The following SH3BGR variants were observed in gnomAD, a reference collection of about 807,000 sequenced individuals.
SH3BGR encodes SH3 domain binding glutamate rich protein.
Under a neutral mutation model 24.5 loss-of-function variants are expected in SH3BGR, and 29 were observed. That is an observed-to-expected ratio of 1.18 (90% CI 0.88 to 1.61). The LOEUF is 1.61. Among genes scored for constraint, SH3BGR ranks in the 40% most tolerant of loss-of-function variants. The probability of loss-of-function intolerance (pLI) is 0.00; values close to 1 mark genes in which losing one functional copy is unlikely to be tolerated. For synonymous variants in SH3BGR, 55 were observed against 65.7 expected (o/e 0.84, Z 0.79); for missense variants, 162 against 205.8 (o/e 0.79, Z 1.30).
chr21:39,513,097 A>G (rs1408832075), intron 6 of SH3BGR, among the ~76,000 whole-genome samples: 1 of 152,190 alleles, frequency 6.6e-6, no homozygotes, highest in Non-Finnish European at 1.5e-5. Flanking sequence ...CTCAGGAGAT[A>G]ATGATGGAAT....
upstream of SH3BGR, among the ~76,000 whole-genome samples, chr21:39,447,360 A>G (rs1261204020): frequency 6.6e-6 from 1 of 150,384 alleles, no homozygotes; most frequent in Admixed American, 6.6e-5. Flanking sequence ...CCCAGTCTGT[A>G]GACATGATAA....
chr21:39,490,652 A>G (rs1195812315), intron 3 of SH3BGR, among the ~76,000 whole-genome samples: 1 of 151,442 alleles, frequency 6.6e-6, no homozygotes, highest in East Asian at 1.9e-4. Flanking sequence ...TGCCTGGGAT[A>G]GTTTTTCCAT....
At chr21:39,468,023 A>G (rs2123347491) in intron 2 of SH3BGR, among the ~76,000 whole-genome samples, 1 of 152,360 alleles carries the variant, frequency 6.6e-6, no homozygotes, top group Admixed American at 6.5e-5. Flanking sequence ...ACAAGTTGGC[A>G]TCTGTGCATT....
At chr21:39,500,271 C>T (rs1268245340) in intron 4 of SH3BGR, among the ~76,000 whole-genome samples, 1 of 151,968 alleles carries the variant, frequency 6.6e-6, no homozygotes, top group Non-Finnish European at 1.5e-5. Context: ...CTTACACCCA[C>T]CCAGGAGCCC....
intron 6 of SH3BGR, among the ~76,000 whole-genome samples, chr21:39,512,208 C>CT (rs1324769043): frequency 6.6e-6 from 1 of 152,174 alleles, no homozygotes; most frequent in Non-Finnish European, 1.5e-5. Flanking sequence ...ACATGTACAA[C>CT]TTTAGGGGGG....
At position 39,464,229 on chromosome 21, in the gene SH3BGR, T is replaced by G. The variant is rs145083808; in HGVS notation, c.231+1669T>G. ...ATCCTATTTCCAAATAAGGTAACCC[T>G]CTTTTTTTTTGAGATGGAGTTTCTC... is the stretch of plus-strand genomic sequence containing the variant. On this transcript the variant is annotated intron_variant, in intron 2 of 6. Transcript: ENST00000333634. 2.0e-3 allele frequency among the ~76,000 whole-genome samples: 309 copies of G among 152,194 alleles called. 2 individuals are homozygous for G. Among genetic ancestry groups the G allele is most frequent in the African/African-American group, 7.0e-3 (289 of 41,538 alleles).
intron 1 of SH3BGR, chr21:39,446,216 G>A (rs957169586): frequency 1.3e-5 from 2 of 149,168 alleles, no homozygotes; most frequent in African/African-American, 4.9e-5. Context: ...AACAATGCAT[G>A]TTTGGCATAG....
At chr21:39,446,916 TA>T (rs2148428777) in intron 1 of SH3BGR, 1 of 152,336 alleles carries the variant, frequency 6.6e-6, no homozygotes, top group African/African-American at 2.4e-5. Flanking sequence ...GGTTTTTATA[TA>T]AAAGGAGAAA....
rs1381930954 is a variant in SH3BGR at position 39,510,938 on chromosome 21, TATATATATAC to T, written c.436-741_436-732del. Reference sequence around the variant, plus strand: ...ATATATATATATATATATATATATATATATATATACTTTCTGAATTTGTAAAGGTTATTTG... The same window carrying T: ...ATATATATATATATATATATATATATTTTCTGAATTTGTAAAGGTTATTTG... On this transcript the variant is annotated intron_variant, in intron 5 of 6. Coordinates refer to ENST00000333634, the MANE Select transcript of SH3BGR (RefSeq NM_007341.3). Among the ~76,000 whole-genome samples the T allele has an allele frequency of 1.1e-3, 154 of 143,816 alleles. 3 individuals carry two copies. In the East Asian group the frequency reaches 0.015, roughly 14 times the overall value. 94.3% of individuals were successfully genotyped at this position (143,816 alleles called of 152,430 possible).
intron 5 of SH3BGR, 98 bp downstream of exon 5, chr21:39,509,125 A>T: frequency 1.1e-6 from 1 of 943,776 alleles, no homozygotes; most frequent in East Asian, 2.5e-5. Context: ...TTAATAACAT[A>T]AGAGAGCGAT....
intron 3 of SH3BGR, among the ~76,000 whole-genome samples, chr21:39,475,474 A>G (rs528622132): frequency 1.3e-5 from 2 of 152,350 alleles, no homozygotes; most frequent in Admixed American, 1.3e-4. Context: ...AGGAAATATC[A>G]TTACTTTGAA....
intron 3 of SH3BGR, among the ~76,000 whole-genome samples, chr21:39,481,219 C>G (rs2123420508): frequency 6.6e-6 from 1 of 152,262 alleles, no homozygotes; most frequent in African/African-American, 2.4e-5. Flanking sequence ...AATCCTAGCA[C>G]TTAGGAAGGT....
In SH3BGR at chr21:39,475,186, C is replaced by G; in HGVS notation, c.283C>G (p.Leu95Val). 1.2e-6 allele frequency: 2 copies of G among 1,611,746 alleles called. No homozygotes were observed. Among genetic ancestry groups the G allele is most frequent in the Non-Finnish European group, 8.5e-7 (1 of 1,178,166 alleles). ...AGAAGAGAATATTATTTATTCCTTC[C>G]TTGGTTTGGCTCCTCCTCCAGACTC... Reference protein sequence around the residue: ...AKEENIIYSFLGLAPPPDSKG... With the variant: ...AKEENIIYSFVGLAPPPDSKG... Residue 95 changes from leucine to valine, a missense_variant, in exon 3 of 7, where the codon CTT becomes GTT. Physicochemically the swap from Leu to Val is conservative, Grantham distance 32. Coordinates refer to ENST00000333634, the MANE Select transcript of SH3BGR (RefSeq NM_007341.3).
At chr21:39,462,254 GT>G in intron 1 of SH3BGR, 120 bp from the exon 2 acceptor site, 1 of 677,580 alleles carries the variant, frequency 1.5e-6, no homozygotes, top group Non-Finnish European at 2.5e-6. Flanking sequence ...TATTTTCCTT[GT>G]TTGAATACTT....
upstream of SH3BGR, among the ~76,000 whole-genome samples, chr21:39,450,008 G>A (rs1267498750): frequency 3.9e-5 from 6 of 152,120 alleles, no homozygotes; most frequent in South Asian, 2.1e-4. Context: ...CAAGAGATGC[G>A]TATTCTCTAG....
rs1401452763 is a variant in SH3BGR at position 39,512,000 on chromosome 21, C to T, written c.*34+191C>T. On this transcript the variant is annotated intron_variant, in intron 6 of 6. Transcript: ENST00000333634. This position sits in a 1 kb window ranked among gnomAD's most constrained non-coding sequence, Gnocchi z 4.2. ...TAGAGCTGCGGGGCTGCTGACCTTT[C>T]GTGGGTCTGTTTCTTGCACACTAGG... Among the ~76,000 whole-genome samples the T allele has an allele frequency of 1.3e-5, 2 of 152,212 alleles. No homozygotes were observed. The highest frequency in any genetic ancestry group is 6.5e-5 in the Admixed American group (1 of 15,296).
At chr21:39,502,596 C>G (rs75307789) in intron 4 of SH3BGR, among the ~76,000 whole-genome samples, 6,268 of 152,288 alleles carry the variant, frequency 0.041, 218 homozygotes, top group Non-Finnish European at 0.056. Context: ...TCTATCTGCT[C>G]CATGTGCCCA....
intron 1 of SH3BGR, among the ~76,000 whole-genome samples, chr21:39,460,228 G>A (rs2077732990): frequency 6.6e-6 from 1 of 152,088 alleles, no homozygotes; most frequent in African/African-American, 2.4e-5. Flanking sequence ...TTTGTTGTGT[G>A]GCTTTTTTAT....
At chr21:39,491,752 T>G (rs2078302493) in intron 3 of SH3BGR, 1 of 221,536 alleles carries the variant, frequency 4.5e-6, no homozygotes, top group Non-Finnish European at 9.4e-6. Context: ...TGTCCCTGAC[T>G]GCTGTGGCCT....
Sources: gnomAD v4.1 joint callset for allele counts (sites outside exome capture counted in the v4.1 genomes callset) on GRCh38, gnomAD v4.1.1 for gene constraint, Gnocchi (gnomAD v3.1) non-coding constraint, MANE v1.5 for transcripts, NCBI Gene and HGNC (gene_info 2026-07-23, HGNC 2026-07-21) for gene names.